The following NTM variants were observed in gnomAD, a reference collection of about 807,000 sequenced individuals.
NTM encodes neurotrimin.
NTM carries 13 observed loss-of-function variants against 42.1 expected under a neutral mutation model. The observed-to-expected ratio is 0.31, with a 90% CI of 0.20 to 0.49. The LOEUF is 0.49. NTM is among the 20% of genes least tolerant of loss of function. NTM has a pLI of 0.99. For synonymous variants in NTM, 187 were observed against 179.2 expected (o/e 1.04, Z -0.35); for missense variants, 373 against 452.8 (o/e 0.82, Z 1.60).
intron 1 of NTM, among the ~76,000 whole-genome samples, chr11:131,819,412 C>T (rs530198736): frequency 1.3e-5 from 2 of 152,346 alleles, no homozygotes; most frequent in Admixed American, 6.5e-5. Flanking sequence ...ATAAACCACA[C>T]ATCCTACTGT....
intron 1 of NTM, among the ~76,000 whole-genome samples, chr11:131,493,998 T>C (rs1955071519): frequency 6.6e-6 from 1 of 152,190 alleles, no homozygotes; most frequent in Non-Finnish European, 1.5e-5. Context: ...TAAATATCTG[T>C]CATTCAGCAA....
At chr11:132,096,688 G>A (rs891725212) in intron 2 of NTM, among the ~76,000 whole-genome samples, 24 of 152,290 alleles carry the variant, frequency 1.6e-4, no homozygotes, top group African/African-American at 4.3e-4. Context: ...CAGCAGAAGC[G>A]CTGATTTCTT....
intron 4 of NTM, among the ~76,000 whole-genome samples, chr11:132,304,193 T>C (rs900774272): frequency 1.3e-5 from 2 of 152,172 alleles, no homozygotes; most frequent in African/African-American, 4.8e-5. Context: ...ATTTCTAGTG[T>C]CTGAAGAAGT....
chr11:131,498,512 T>C (rs897298292), intron 1 of NTM, among the ~76,000 whole-genome samples: 1 of 152,168 alleles, frequency 6.6e-6, no homozygotes, highest in African/African-American at 2.4e-5. Flanking sequence ...CTATGACCTT[T>C]CCTTCCTTTT....
intron 1 of NTM, among the ~76,000 whole-genome samples, chr11:131,437,640 A>T (rs1219963153): frequency 6.6e-6 from 1 of 152,148 alleles, no homozygotes; most frequent in African/African-American, 2.4e-5. Flanking sequence ...TTTGCTTGGT[A>T]GATCTTCCTC....
chr11:131,910,985 T>C (rs1046459533), intron 1 of NTM: 14 of 997,340 alleles, frequency 1.4e-5, no homozygotes, highest in Admixed American at 5.4e-5. Flanking sequence ...TGTTTTCCGG[T>C]GGCGAGCCCG....
At chr11:131,604,852 T>C (rs1299534592) in intron 1 of NTM, among the ~76,000 whole-genome samples, 1 of 151,148 alleles carries the variant, frequency 6.6e-6, no homozygotes, top group Non-Finnish European at 1.5e-5. Flanking sequence ...TTGTCAAAAA[T>C]CAATTGATCA....
intron 3 of NTM, among the ~76,000 whole-genome samples, chr11:132,185,203 C>T (rs1053684356): frequency 6.6e-6 from 1 of 151,922 alleles, no homozygotes; most frequent in African/African-American, 2.4e-5. Flanking sequence ...ATCACTGTCA[C>T]TCTCACTCCC....
At chr11:131,417,274 C>T (rs933468497) in intron 1 of NTM, among the ~76,000 whole-genome samples, 2 of 152,176 alleles carry the variant, frequency 1.3e-5, no homozygotes, top group African/African-American at 2.4e-5. Context: ...CCTACCCAAA[C>T]TGTGGGCTCA....
At chr11:132,160,507 C>A (rs1199174686) in intron 3 of NTM, among the ~76,000 whole-genome samples, 1 of 152,176 alleles carries the variant, frequency 6.6e-6, no homozygotes, top group East Asian at 1.9e-4. Flanking sequence ...CTTCCTTCAC[C>A]CATCAAATAT....
intron 1 of NTM, among the ~76,000 whole-genome samples, chr11:131,704,493 A>G (rs549475177): frequency 6.6e-6 from 1 of 152,346 alleles, no homozygotes; most frequent in South Asian, 2.1e-4. Context: ...AGGACTTTAC[A>G]TAACAAGGCA....
Position 132,175,199 on chromosome 11 carries a change from T to C in NTM, c.400+28685T>C, listed in dbSNP as rs7936923. On this transcript the variant is annotated intron_variant, in intron 3 of 8. Transcript: ENST00000683400. ...TTGGGGTGCACTTGGTTCTCAGCAA[T>C]GGTGTTGGTGGAGGGAGCATGCTCT... is the stretch of plus-strand genomic sequence containing the variant. Among the ~76,000 whole-genome samples the C allele has an allele frequency of 2.6e-3, 389 of 152,210 alleles. 1 individual carries two copies. Among genetic ancestry groups the C allele is most frequent in the African/African-American group, 9.0e-3 (375 of 41,534 alleles).
At chr11:131,565,289 T>C (rs318947) in intron 1 of NTM, among the ~76,000 whole-genome samples, 92,007 of 152,134 alleles carry the variant, frequency 0.6, 28,104 homozygotes, top group South Asian at 0.69. Flanking sequence ...TCATTGTCTG[T>C]GCCCTTATCC....
intron 3 of NTM, among the ~76,000 whole-genome samples, chr11:132,175,480 T>A (rs2076668876): frequency 6.6e-6 from 1 of 152,170 alleles, no homozygotes; most frequent in Non-Finnish European, 1.5e-5. Flanking sequence ...CTCCTCTAGG[T>A]TTCCAGAAAT....
At chr11:131,674,998 C>T (rs535654080) in intron 1 of NTM, among the ~76,000 whole-genome samples, 3 of 152,334 alleles carry the variant, frequency 2.0e-5, no homozygotes, top group African/African-American at 7.2e-5. Context: ...TGCATTCATC[C>T]CACCATATTT....
intron 4 of NTM, among the ~76,000 whole-genome samples, chr11:132,287,920 T>C (rs1356880750): frequency 6.6e-6 from 1 of 152,186 alleles, no homozygotes; most frequent in Non-Finnish European, 1.5e-5. Context: ...TTTTGAAGAA[T>C]ATGGAAGAAT....
chr11:132,178,639 G>T (rs541000439), intron 3 of NTM, among the ~76,000 whole-genome samples: 1 of 152,190 alleles, frequency 6.6e-6, no homozygotes. Context: ...GACAATTGAC[G>T]CCTTGTGTAT....
chr11:132,191,393 G>A (rs577392547), intron 3 of NTM, among the ~76,000 whole-genome samples: 43 of 152,338 alleles, frequency 2.8e-4, no homozygotes, highest in South Asian at 2.3e-3. Context: ...CAGGGTTAGA[G>A]CACACTGCCC....
chr11:132,117,408 T>A (rs529067346), intron 2 of NTM, among the ~76,000 whole-genome samples: 1 of 152,360 alleles, frequency 6.6e-6, no homozygotes, highest in South Asian at 2.1e-4. Context: ...TTCCTGGCCA[T>A]GTGATGGACA....
Sources: allele counts gnomAD v4.1 joint callset (sites outside exome capture counted in the v4.1 genomes callset), GRCh38; gene constraint gnomAD v4.1.1; transcripts MANE v1.5; gene names NCBI Gene and HGNC (gene_info 2026-07-23, HGNC 2026-07-21).